The following SNAP91 variants were observed in gnomAD, a reference collection of about 807,000 sequenced individuals.
SNAP91 encodes the protein synaptosome associated protein 91.
In SNAP91, 27 loss-of-function variants were observed where a neutral mutation model predicts 100.3. The observed-to-expected ratio is 0.27, with a 90% CI of 0.20 to 0.37. SNAP91 has a LOEUF of 0.37. Ranked by LOEUF, SNAP91 falls within the 10% of genes least tolerant of loss-of-function variation. SNAP91 has a pLI of 1.00. For missense variants in SNAP91, 986 were observed against 1,123.7 expected (o/e 0.88, Z 1.75); for synonymous variants, 404 against 398.6 (o/e 1.01, Z -0.16).
chr6:83,561,295 T>C (rs539967143), intron 26 of SNAP91, among the ~76,000 whole-genome samples: 1 of 152,180 alleles, frequency 6.6e-6, no homozygotes, highest in African/African-American at 2.4e-5. Flanking sequence ...TCCTCCTGCC[T>C]TGGCCTCCCA....
chr6:83,592,840 T>C (rs2093961549), intron 20 of SNAP91, 106 bp downstream of exon 20: 3 of 861,886 alleles, frequency 3.5e-6, no homozygotes, highest in Admixed American at 2.6e-5. Flanking sequence ...TTGAAGTACA[T>C]TTTAAATTTA....
At chr6:83,688,504 C>CTTTTT (rs1386310059) in intron 2 of SNAP91, among the ~76,000 whole-genome samples, 2 of 131,336 alleles carry the variant, frequency 1.5e-5, no homozygotes, top group African/African-American at 2.9e-5. Flanking sequence ...CCAAACATCA[C>CTTTTT]TTTTTTTTTT....
At chr6:83,566,718 A>C (rs1042486343) in intron 26 of SNAP91, among the ~76,000 whole-genome samples, 3 of 152,168 alleles carry the variant, frequency 2.0e-5, no homozygotes, top group Admixed American at 2.0e-4. Context: ...AGCAAAATGA[A>C]GCCCAACATA....
intron 7 of SNAP91, among the ~76,000 whole-genome samples, chr6:83,644,759 T>A (rs1306070154): frequency 6.6e-6 from 1 of 152,190 alleles, no homozygotes; most frequent in East Asian, 1.9e-4. Flanking sequence ...ATAAAGCATT[T>A]GTGAAGATTT....
At chr6:83,611,116 CTTAGG>C (rs1403973208) in intron 11 of SNAP91, among the ~76,000 whole-genome samples, 1 of 152,034 alleles carries the variant, frequency 6.6e-6, no homozygotes, top group African/African-American at 2.4e-5. Context: ...GTTTAAATCA[CTTAGG>C]TTAAAGTACA....
intron 23 of SNAP91, among the ~76,000 whole-genome samples, 170 bp from the exon 24 acceptor site, chr6:83,580,769 C>G (rs6901562): frequency 0.028 from 4,250 of 152,092 alleles, 181 homozygotes; most frequent in African/African-American, 0.095. Flanking sequence ...AAGAACATGT[C>G]GACATATGTC....
At chr6:83,665,375 A>G in intron 3 of SNAP91, 64 bp downstream of exon 3, 2 of 1,495,342 alleles carry the variant, frequency 1.3e-6, no homozygotes, top group South Asian at 2.5e-5. Flanking sequence ...GCCTTAAATC[A>G]TCACCATGCT....
At chr6:83,615,283 T>C (rs1277329696) in intron 10 of SNAP91, among the ~76,000 whole-genome samples, 2 of 152,174 alleles carry the variant, frequency 1.3e-5, no homozygotes, top group Non-Finnish European at 2.9e-5. Context: ...TATATGGGGT[T>C]TGGGGGACCC....
In SNAP91 at chr6:83,577,011, G is replaced by A. The variant is rs79812844; in HGVS notation, c.2300-958C>T. ...AAACAATTAAAAAGTAAATTATACA[G>A]GCTGCTAGAAGGCGATAAGGAAAGC... On this transcript the variant is annotated intron_variant, in intron 24 of 29. Transcript: ENST00000369694. Among the ~76,000 whole-genome samples, 644 of 152,228 alleles carry A rather than the reference G, an allele frequency of 4.2e-3. 6 individuals carry two copies. The highest frequency in any genetic ancestry group is 0.014 in the African/African-American group (600 of 41,546).
At chr6:83,590,130 A>G (rs2093518633) in intron 22 of SNAP91, among the ~76,000 whole-genome samples, 1 of 152,102 alleles carries the variant, frequency 6.6e-6, no homozygotes, top group Admixed American at 6.5e-5. Flanking sequence ...GAGGGGCCTC[A>G]GAAGCTGCAT....
chr6:83,598,739 G>T (rs2094809678), intron 16 of SNAP91, among the ~76,000 whole-genome samples: 1 of 152,076 alleles, frequency 6.6e-6, no homozygotes, highest in African/African-American at 2.4e-5. Flanking sequence ...AATGGCCAAA[G>T]AGATTTTAGC....
intron 26 of SNAP91, among the ~76,000 whole-genome samples, chr6:83,570,701 G>C (rs1349432878): frequency 6.6e-6 from 1 of 152,220 alleles, no homozygotes; most frequent in Non-Finnish European, 1.5e-5. Context: ...GAGGGTGGTA[G>C]TCCCAAACCT....
In SNAP91 at chr6:83,593,717, C is replaced by G. The variant is rs2094118611; in HGVS notation, c.1457G>C (p.Ser486Thr). 6.3e-7 allele frequency: 1 copy of G among 1,596,836 alleles called. No homozygotes were observed. Among genetic ancestry groups the G allele is most frequent in the African/African-American group, 1.3e-5 (1 of 74,646 alleles). The change falls in exon 18 of 30, where the codon AGT becomes ACT. Residue 486 changes from serine to threonine, a missense_variant. Transcript: ENST00000369694. Reference sequence around the variant, plus strand: ...GTCCAGCTCAGGTGCAGCCTCTGCACTACCTTCAGACGGGGCAAAGGGGTC... The same window carrying G: ...GTCCAGCTCAGGTGCAGCCTCTGCAGTACCTTCAGACGGGGCAAAGGGGTC... Reference protein sequence around the residue: ...GNDPFAPSEGSAEAAPELDLF... With the variant: ...GNDPFAPSEGTAEAAPELDLF...
chr6:83,708,749 G>C (rs1008795779), intron 1 of SNAP91, 96 bp downstream of exon 1: 2 of 151,942 alleles, frequency 1.3e-5, no homozygotes, highest in Non-Finnish European at 2.9e-5. Flanking sequence ...GCTGTCACTC[G>C]GCCGCTGCCC....
intron 2 of SNAP91, among the ~76,000 whole-genome samples, chr6:83,667,464 T>C (rs1273096245): frequency 1.3e-5 from 2 of 152,010 alleles, no homozygotes; most frequent in Non-Finnish European, 1.5e-5. Flanking sequence ...ATTAAAAAGA[T>C]TTATAAAAAT....
chr6:83,597,387 T>A (rs1027816398), intron 16 of SNAP91, among the ~76,000 whole-genome samples: 3 of 152,356 alleles, frequency 2.0e-5, no homozygotes, highest in African/African-American at 7.2e-5. Flanking sequence ...ATCTAGTTTT[T>A]TTCATTATAA....
chr6:83,629,481 C>T (rs2097117322), intron 8 of SNAP91, among the ~76,000 whole-genome samples: 1 of 151,896 alleles, frequency 6.6e-6, no homozygotes. Context: ...CGGATTCTAC[C>T]CATCCATGAA....
intron 29 of SNAP91, 61 bp from the exon 30 acceptor site, chr6:83,554,346 T>A: frequency 4.8e-6 from 1 of 208,482 alleles, no homozygotes; most frequent in Non-Finnish European, 1.0e-5. Context: ...CTCAAACATT[T>A]TACCTCCCTT....
intron 14 of SNAP91, among the ~76,000 whole-genome samples, chr6:83,603,976 A>C (rs952536950): frequency 6.6e-6 from 1 of 152,152 alleles, no homozygotes; most frequent in Admixed American, 6.5e-5. Context: ...CTTAGCAAAA[A>C]GTATTTAGAG....
Sources: gnomAD v4.1 joint callset for allele counts (sites outside exome capture counted in the v4.1 genomes callset) on GRCh38, gnomAD v4.1.1 for gene constraint, MANE v1.5 for transcripts, NCBI Gene and HGNC (gene_info 2026-07-23, HGNC 2026-07-21) for gene names.